The following PDE1C variants were observed in gnomAD, a reference collection of about 807,000 sequenced individuals.
The protein encoded by PDE1C is phosphodiesterase 1C.
Under a neutral mutation model 93.1 loss-of-function variants are expected in PDE1C, and 62 were observed. That is an observed-to-expected ratio of 0.67 (90% CI 0.54 to 0.82). The LOEUF (loss-of-function observed/expected upper bound fraction) is 0.82. Among genes scored for constraint, PDE1C ranks in the 40% least tolerant of loss-of-function variants. The pLI, the probability that PDE1C is intolerant of heterozygous loss-of-function variation, is 0.00. For synonymous variants in PDE1C, 325 were observed against 310.1 expected, an observed-to-expected ratio of 1.05 and a Z score of -0.50; for missense variants, 742 against 884.6, an observed-to-expected ratio of 0.84 and a Z score of 2.04.
intron 14 of PDE1C, among the ~76,000 whole-genome samples, chr7:31,822,096 C>A (rs1789044993): frequency 6.6e-6 from 1 of 152,076 alleles, no homozygotes; most frequent in Non-Finnish European, 1.5e-5. Flanking sequence ...AGTAATGTCT[C>A]TTCCCTTCCC....
chr7:32,170,913 C>A (rs1259735315), intron 2 of PDE1C, among the ~76,000 whole-genome samples: 1 of 152,178 alleles, frequency 6.6e-6, no homozygotes, highest in Non-Finnish European at 1.5e-5. Flanking sequence ...GCCTAATCAC[C>A]CCAGGGCCTG....
chr7:32,241,254 C>T (rs1408962340), intron 1 of PDE1C, among the ~76,000 whole-genome samples: 1 of 152,186 alleles, frequency 6.6e-6, no homozygotes, highest in East Asian at 1.9e-4. Flanking sequence ...TCACTTACAA[C>T]ATAAATGTAG....
chr7:31,847,019 T>G (rs1792720282), intron 9 of PDE1C, among the ~76,000 whole-genome samples: 1 of 152,140 alleles, frequency 6.6e-6, no homozygotes, highest in South Asian at 2.1e-4. Flanking sequence ...GCTGATTATT[T>G]AATTAAAATA....
At chr7:31,999,799 C>T (rs1390644962) in intron 2 of PDE1C, among the ~76,000 whole-genome samples, 3 of 152,172 alleles carry the variant, frequency 2.0e-5, no homozygotes, top group South Asian at 4.1e-4. Context: ...CCCTCACACA[C>T]AGAGCAGTCA....
the PDE1C span, among the ~76,000 whole-genome samples, chr7:31,646,773 A>C: frequency 6.6e-6 from 1 of 152,300 alleles, no homozygotes; most frequent in Admixed American, 6.5e-5. Context: ...GGTAGATTTT[A>C]AACAAGTAGG....
intron 2 of PDE1C, among the ~76,000 whole-genome samples, chr7:31,964,457 G>A (rs1033648967): frequency 2.6e-5 from 4 of 152,218 alleles, no homozygotes; most frequent in African/African-American, 9.6e-5. Flanking sequence ...AAAGCAGCTG[G>A]GAAGCTCAAA....
intron 2 of PDE1C, among the ~76,000 whole-genome samples, chr7:31,885,280 T>C (rs1372099538): frequency 6.6e-6 from 1 of 152,172 alleles, no homozygotes; most frequent in Admixed American, 6.5e-5. Context: ...ATGTTCATAG[T>C]TTCCAGCACT....
intron 3 of PDE1C, among the ~76,000 whole-genome samples, chr7:32,163,243 C>G (rs1007810759): frequency 1.3e-5 from 2 of 152,110 alleles, no homozygotes; most frequent in African/African-American, 2.4e-5. Context: ...CATCCCAGGG[C>G]GGGGCCGAAG....
chr7:32,240,244 A>T (rs1271196534), intron 1 of PDE1C, among the ~76,000 whole-genome samples: 2 of 152,224 alleles, frequency 1.3e-5, no homozygotes, highest in South Asian at 2.1e-4. Flanking sequence ...CATAATTTTT[A>T]AAGAACAGTT....
intron 1 of PDE1C, among the ~76,000 whole-genome samples, chr7:32,388,678 T>TA (rs5883343): frequency 0.77 from 63,071 of 81,522 alleles, 25,232 homozygotes; most frequent in East Asian, 0.94. Context: ...GTCCCATTTC[T>TA]AAAAAAAAAA....
chr7:32,151,170 A>G (rs1368831820), intron 3 of PDE1C, among the ~76,000 whole-genome samples: 2 of 152,200 alleles, frequency 1.3e-5, no homozygotes, highest in African/African-American at 4.8e-5. Context: ...AGTGTTTCTT[A>G]GCAATCACAT....
At chr7:32,108,230 C>CAAAAAAAAAAAAAAAAAAAAAAAAAA (rs71559210) in intron 3 of PDE1C, among the ~76,000 whole-genome samples, 1 of 77,060 alleles carries the variant, frequency 1.3e-5, no homozygotes. Flanking sequence ...AAAAGCAAGA[C>CAAAAAAAAAAAAAAAAAAAAAAAAAA]AAAAAAAAAA....
At chr7:32,139,420 T>C (rs972747108) in intron 3 of PDE1C, among the ~76,000 whole-genome samples, 2 of 147,428 alleles carry the variant, frequency 1.4e-5, no homozygotes, top group African/African-American at 2.5e-5. Context: ...GTGAAGAGAA[T>C]GAACCAAACA....
At chr7:31,910,995 A>G (rs915896631) in intron 2 of PDE1C, among the ~76,000 whole-genome samples, 7 of 152,216 alleles carry the variant, frequency 4.6e-5, no homozygotes, top group East Asian at 1.9e-4. Context: ...TGAAATACTG[A>G]ACCTAAAACT....
chr7:32,183,219 T>C (rs927911742), intron 2 of PDE1C, among the ~76,000 whole-genome samples: 6 of 152,246 alleles, frequency 3.9e-5, no homozygotes, highest in South Asian at 2.1e-4. Context: ...AAAATGGCCA[T>C]ACTGCCCAAG....
intron 2 of PDE1C, among the ~76,000 whole-genome samples, chr7:31,999,921 C>T (rs974606282): frequency 2.6e-5 from 4 of 152,132 alleles, no homozygotes; most frequent in African/African-American, 4.8e-5. Flanking sequence ...GGCACAAGTG[C>T]TCCTAATACA....
intron 17 of PDE1C, among the ~76,000 whole-genome samples, chr7:31,764,074 A>G (rs1002882321): frequency 2.0e-5 from 3 of 151,700 alleles, no homozygotes; most frequent in Non-Finnish European, 4.4e-5. Flanking sequence ...TGCCATTTTA[A>G]GCAAAGGAAA....
chr7:32,129,098 C>A (rs1799771531), intron 3 of PDE1C, among the ~76,000 whole-genome samples: 1 of 150,802 alleles, frequency 6.6e-6, no homozygotes, highest in Non-Finnish European at 1.5e-5. Context: ...CAAAAATAGA[C>A]CCTTTTTCCT....
intron 1 of PDE1C, among the ~76,000 whole-genome samples, chr7:32,234,266 G>A (rs1375434655): frequency 1.3e-5 from 2 of 151,850 alleles, no homozygotes; most frequent in Admixed American, 6.6e-5. Flanking sequence ...CACTGGAGCA[G>A]AACCCAACGA....
Sources: allele counts gnomAD v4.1 joint callset (sites outside exome capture counted in the v4.1 genomes callset), GRCh38; gene constraint gnomAD v4.1.1; transcripts MANE v1.5; gene names NCBI Gene and HGNC (gene_info 2026-07-23, HGNC 2026-07-21).